The following FHOD3 variants were observed in gnomAD, a reference collection of about 807,000 sequenced individuals.
The protein encoded by FHOD3 is formin homology 2 domain containing 3, also known as FH1/FH2 domain-containing protein 3.
Under a neutral mutation model 173.0 loss-of-function variants are expected in FHOD3, and 90 were observed. The observed-to-expected ratio is 0.52, with a 90% CI of 0.44 to 0.62. The LOEUF (loss-of-function observed/expected upper bound fraction) is 0.62, where lower values mean the gene tolerates loss of function less well. FHOD3 is among the 20% of genes least tolerant of loss of function. FHOD3 has a pLI of 0.00. For synonymous variants in FHOD3, 828 were observed against 823.0 expected (o/e 1.01, Z -0.10); for missense variants, 1,945 against 2,034.7 (o/e 0.96, Z 0.85).
At chr18:36,683,631 A>G (rs557695444) in intron 15 of FHOD3, among the ~76,000 whole-genome samples, 2 of 152,346 alleles carry the variant, frequency 1.3e-5, no homozygotes, top group East Asian at 3.9e-4. Flanking sequence ...AAAGAACCCC[A>G]GAAGAAGTCC....
chr18:36,372,669 T>A lies in FHOD3; in HGVS notation c.273-11T>A. The A allele has an allele frequency of 1.2e-6, 2 of 1,613,632 alleles. No homozygotes were observed. Among genetic ancestry groups the A allele is most frequent in the Non-Finnish European group, 8.5e-7 (1 of 1,179,752 alleles). On this transcript the variant is annotated splice_polypyrimidine_tract_variant and intron_variant, in intron 2 of 28. Transcript: ENST00000590592. ...CCTCTGATGCCCCTGTTTTGTCTCC[T>A]GTCTCGTTAGGCGGGGCAAGAAGCA...
chr18:36,600,636 T>A (rs192127387), intron 7 of FHOD3, among the ~76,000 whole-genome samples: 42 of 152,162 alleles, frequency 2.8e-4, no homozygotes, highest in Non-Finnish European at 5.7e-4. Context: ...ATTAAGCCAG[T>A]GTTTGAGTGT....
intron 1 of FHOD3, among the ~76,000 whole-genome samples, chr18:36,306,394 A>T (rs1397494448): frequency 1.3e-5 from 2 of 152,188 alleles, no homozygotes; most frequent in African/African-American, 4.8e-5. Context: ...GTAGGTCTTG[A>T]TGATGTCTGG....
At chr18:36,715,142 C>T (rs2040378021) in intron 18 of FHOD3, among the ~76,000 whole-genome samples, 6 of 152,202 alleles carry the variant, frequency 3.9e-5, no homozygotes, top group Admixed American at 3.9e-4. Context: ...TGGCTGTGTT[C>T]TCACCCAAAT....
chr18:36,601,038 A>C (rs1392042201), intron 7 of FHOD3, among the ~76,000 whole-genome samples: 1 of 152,222 alleles, frequency 6.6e-6, no homozygotes. Context: ...TGCTGATCAG[A>C]TTGATTGACT....
intron 3 of FHOD3, among the ~76,000 whole-genome samples, chr18:36,482,491 G>A (rs867735397): frequency 6.6e-6 from 1 of 152,102 alleles, no homozygotes; most frequent in Admixed American, 6.5e-5. Context: ...GGCCAGAAGT[G>A]TACCAGGGCA....
At chr18:36,447,792 A>C (rs985604195) in intron 3 of FHOD3, among the ~76,000 whole-genome samples, 1 of 152,258 alleles carries the variant, frequency 6.6e-6, no homozygotes, top group Non-Finnish European at 1.5e-5. Context: ...AATTGTTAAC[A>C]TTAATAGTGT....
Position 36,355,527 on chromosome 18 carries a change from T to C in FHOD3, c.166-12T>C, listed in dbSNP as rs1172477859. ...GGAGCAGGTTGGGTATAACAGGCTC[T>C]TTCTCTTGCAGCTGGATGACTGTAC... On this transcript the variant is annotated splice_polypyrimidine_tract_variant and intron_variant, in intron 1 of 28. Coordinates refer to ENST00000590592, the MANE Select transcript of FHOD3 (RefSeq NM_001281740.3). 1 of 1,613,664 alleles carries C rather than the reference T, an allele frequency of 6.2e-7. No individual in the cohort carries two copies. Among genetic ancestry groups the C allele is most frequent in the African/African-American group, 1.3e-5 (1 of 75,036 alleles).
chr18:36,695,627 G>T (rs1311443004), intron 17 of FHOD3, among the ~76,000 whole-genome samples: 1 of 152,182 alleles, frequency 6.6e-6, no homozygotes, highest in Non-Finnish European at 1.5e-5. Flanking sequence ...ATCAGCAAGA[G>T]CAAACAGTCT....
At chr18:36,563,095 T>C (rs1009026107) in intron 5 of FHOD3, among the ~76,000 whole-genome samples, 3 of 152,232 alleles carry the variant, frequency 2.0e-5, no homozygotes, top group African/African-American at 7.2e-5. Context: ...GGTGAAATTT[T>C]AGTAAGGAAG....
intron 3 of FHOD3, among the ~76,000 whole-genome samples, chr18:36,426,405 G>T (rs2050245917): frequency 6.6e-6 from 1 of 152,134 alleles, no homozygotes; most frequent in South Asian, 2.1e-4. Flanking sequence ...CTAGGTCTTG[G>T]TGATACCAGT....
intron 3 of FHOD3, among the ~76,000 whole-genome samples, chr18:36,450,433 C>T (rs796275307): frequency 9.6e-5 from 14 of 145,878 alleles, no homozygotes; most frequent in Admixed American, 4.3e-4. Context: ...GTAGCATTTA[C>T]GACCAGTTTG....
intron 5 of FHOD3, among the ~76,000 whole-genome samples, chr18:36,544,068 T>A (rs1303003785): frequency 1.3e-5 from 2 of 152,222 alleles, no homozygotes; most frequent in Non-Finnish European, 2.9e-5. Context: ...TCGTTAAATA[T>A]GTCACATGAG....
chr18:36,566,512 G>A (rs2058270027), intron 5 of FHOD3, among the ~76,000 whole-genome samples: 1 of 152,198 alleles, frequency 6.6e-6, no homozygotes, highest in South Asian at 2.1e-4. Context: ...AAGGGCCAGA[G>A]GGTTGGCTGG....
intron 3 of FHOD3, among the ~76,000 whole-genome samples, chr18:36,492,549 T>A (rs2054524867): frequency 6.6e-6 from 1 of 152,198 alleles, no homozygotes; most frequent in Non-Finnish European, 1.5e-5. Context: ...TATAACCTCA[T>A]GCTCAGCATA....
intron 20 of FHOD3, among the ~76,000 whole-genome samples, chr18:36,737,272 C>T (rs777612104): frequency 3.9e-5 from 6 of 152,200 alleles, no homozygotes; most frequent in South Asian, 2.1e-4. Flanking sequence ...AAGATGTCTT[C>T]TGAAGGTTGT....
At chr18:36,645,626 C>G (rs1252516891) in intron 10 of FHOD3, among the ~76,000 whole-genome samples, 1 of 152,072 alleles carries the variant, frequency 6.6e-6, no homozygotes, top group Non-Finnish European at 1.5e-5. Context: ...CAAAATCTGA[C>G]AAGCACATTA....
chr18:36,625,620 G>C lies in FHOD3; in HGVS notation c.1067G>C (p.Gly356Ala), dbSNP rs762133189. The C allele has an allele frequency of 6.2e-7, 1 of 1,602,728 alleles. No homozygotes were observed. The highest frequency in any genetic ancestry group is 8.5e-7 in the Non-Finnish European group (1 of 1,173,232). Residue 356 changes from glycine to alanine, a missense_variant, in exon 10 of 29, where the codon GGC becomes GCC. Coordinates refer to ENST00000590592, the MANE Select transcript of FHOD3 (RefSeq NM_001281740.3). ...VCSSGGGEHR[G>A]LDRRRSRRHS... is the part of the protein sequence containing the mutation. ...TCCAGTGGCGGAGGCGAGCACCGGG[G>C]CCTGGACCGCAGAAGGAGCCGCAGG...
chr18:36,361,161 C>T (rs75312019), intron 2 of FHOD3, among the ~76,000 whole-genome samples: 1 of 151,984 alleles, frequency 6.6e-6, no homozygotes, highest in African/African-American at 2.4e-5. Context: ...AAGCTCCTGT[C>T]TTCATAGTGC....
Sources: allele counts gnomAD v4.1 joint callset (sites outside exome capture counted in the v4.1 genomes callset), GRCh38; gene constraint gnomAD v4.1.1; transcripts MANE v1.5; gene names NCBI Gene and HGNC (gene_info 2026-07-23, HGNC 2026-07-21).